The following PDILT variants were observed in gnomAD, a reference collection of about 807,000 sequenced individuals.
The protein encoded by PDILT is protein disulfide-isomerase-like protein of the testis.
PDILT carries 43 observed loss-of-function variants against 53.7 expected under a neutral mutation model. The ratio of observed to expected loss-of-function variants is 0.80; its 90% CI spans 0.63 to 1.03. The LOEUF is 1.03. Ranked by LOEUF, PDILT falls within the 50% of genes least tolerant of loss-of-function variation. The probability of loss-of-function intolerance (pLI) is 0.00; values close to 1 mark genes in which losing one functional copy is unlikely to be tolerated. For missense variants in PDILT, 727 were observed against 712.3 expected (o/e 1.02, Z -0.24); for synonymous variants, 282 against 274.2 (o/e 1.03, Z -0.28).
chr16:20,396,397 T>G (rs1447122258), intron 2 of PDILT, among the ~76,000 whole-genome samples: 1 of 152,226 alleles, frequency 6.6e-6, no homozygotes, highest in Admixed American at 6.5e-5. Context: ...ATGCTTGGCA[T>G]GAGGTCTTTG....
chr16:20,403,250 T>A (rs1445757344), intron 1 of PDILT, among the ~76,000 whole-genome samples: 1 of 152,168 alleles, frequency 6.6e-6, no homozygotes, highest in African/African-American at 2.4e-5. Flanking sequence ...GTGCTTCACC[T>A]CAACCCATTC....
intron 2 of PDILT, among the ~76,000 whole-genome samples, chr16:20,395,216 A>G (rs562612935): frequency 6.6e-6 from 1 of 152,298 alleles, no homozygotes; most frequent in South Asian, 2.1e-4. Context: ...TTTCTCAACT[A>G]AAGAGGTTGG....
intron 3 of PDILT, among the ~76,000 whole-genome samples, chr16:20,384,431 C>T (rs1403603359): frequency 6.6e-6 from 1 of 152,032 alleles, no homozygotes; most frequent in Non-Finnish European, 1.5e-5. Context: ...ATGAACAGTA[C>T]CCGTGGTGAC....
chr16:20,371,648 TG>T (rs1399126123), intron 7 of PDILT, among the ~76,000 whole-genome samples: 1 of 152,082 alleles, frequency 6.6e-6, no homozygotes, highest in Non-Finnish European at 1.5e-5. Context: ...TTCACTAGGG[TG>T]ACTGAAACTT....
chr16:20,374,742 C>A, intron 5 of PDILT, 80 bp downstream of exon 5: 1 of 1,484,594 alleles, frequency 6.7e-7, no homozygotes, highest in Non-Finnish European at 9.1e-7. Flanking sequence ...GTGGCAGAAC[C>A]AGAATTTGTA....
rs1567333549 is a variant in PDILT at position 20,400,066 on chromosome 16, ATATATATT to A, written c.-7-767_-7-760del. Among the ~76,000 whole-genome samples, 42 of 128,496 alleles carry A rather than the reference ATATATATT, an allele frequency of 3.3e-4. No homozygotes were observed. The South Asian group carries it at 7.6e-3, about 23-fold the overall frequency. The allele number at this position is 128,496 out of a possible 152,430, so 84.3% of individuals were successfully genotyped here. A position where few individuals can be genotyped will look rare whatever the true frequency, so the allele number is the denominator to read the frequency against. On this transcript the variant is annotated intron_variant, in intron 1 of 11. Transcript: ENST00000302451. ...TCTATCTATCTATCTATATATATATATATATATTTTTTGAGACGGAGTTTTGCTCTTGT... is the reference window on the plus strand; with the variant it reads ...TCTATCTATCTATCTATATATATATATTTTGAGACGGAGTTTTGCTCTTGT...
chr16:20,373,024 T>G lies in PDILT; in HGVS notation c.780A>C (p.Glu260Asp). 6.2e-7 allele frequency: 1 copy of G among 1,614,116 alleles called. No individual in the cohort carries two copies. The highest frequency in any genetic ancestry group is 8.5e-7 in the Non-Finnish European group (1 of 1,179,970). Residue 260 changes from glutamate to aspartate, a missense_variant, in exon 6 of 12, where the codon GAA (glutamate) becomes GAC (aspartate). Physicochemically the swap from Glu to Asp is conservative, Grantham distance 45. Transcript: ENST00000302451. ...TTTACTCACTGACCTCAGTGTTGTA[T>G]TCGATCACAAAATCTGTAAGGTGCT... ...IKQHLTDFVI[E>D]YNTENKDLIS...
intron 2 of PDILT, 100 bp downstream of exon 2, chr16:20,398,999 C>G: frequency 1.7e-6 from 2 of 1,204,402 alleles, no homozygotes; most frequent in East Asian, 2.5e-5. Flanking sequence ...AATATGTGTT[C>G]TTATGTGTTT....
At chr16:20,385,608 A>G (rs988733542) in intron 2 of PDILT, among the ~76,000 whole-genome samples, 6 of 152,148 alleles carry the variant, frequency 3.9e-5, no homozygotes, top group Non-Finnish European at 5.9e-5. Context: ...GTGCAGGGTG[A>G]GGGATCAAAA....
intron 3 of PDILT, 115 bp from the exon 4 acceptor site, chr16:20,376,316 C>T: frequency 7.9e-7 from 1 of 1,263,642 alleles, no homozygotes; most frequent in Non-Finnish European, 1.1e-6. Context: ...GCTCCCACCC[C>T]TTGAAGGCCA....
chr16:20,361,342 C>T (rs555938043), intron 10 of PDILT, among the ~76,000 whole-genome samples: 114 of 152,124 alleles, frequency 7.5e-4, no homozygotes, highest in African/African-American at 2.5e-3. Flanking sequence ...TGCACCACCA[C>T]GACTGGCTAA....
At chr16:20,381,726 G>A (rs924079173) in intron 3 of PDILT, among the ~76,000 whole-genome samples, 2 of 151,678 alleles carry the variant, frequency 1.3e-5, no homozygotes, top group African/African-American at 4.8e-5. Context: ...TAAAATCCAG[G>A]CATCCTCAAT....
chr16:20,366,483 C>G (rs752684037), intron 8 of PDILT, among the ~76,000 whole-genome samples: 2 of 152,108 alleles, frequency 1.3e-5, no homozygotes, highest in Non-Finnish European at 2.9e-5. Flanking sequence ...CACTTATTCA[C>G]GTTTACTATT....
chr16:20,374,893 C>T lies in PDILT; in HGVS notation c.610G>A (p.Gly204Arg), dbSNP rs1966361683. Residue 204 changes from glycine (G) to arginine (R), a missense_variant, in exon 5 of 12, where the codon GGA becomes AGA. Physicochemically the swap from Gly to Arg is moderately radical, Grantham distance 125. Coordinates refer to ENST00000302451, the MANE Select transcript of PDILT (RefSeq NM_174924.2). ...ATGACATTGCCAATCGTTATGACTC[C>T]AAACGTTAGCTCTGGAAAGTCTTTG... is the stretch of plus-strand genomic sequence containing the variant. ...VIKDFPELTF[G>R]VITIGNVIGR... The T allele has an allele frequency of 6.2e-7, 1 of 1,614,086 alleles. No homozygotes were observed. Among genetic ancestry groups the T allele is most frequent in the East Asian group, 2.2e-5 (1 of 44,882 alleles).
At chr16:20,404,470 T>C (rs1966788452) in intron 1 of PDILT, 26 bp downstream of exon 1, 1 of 152,234 alleles carries the variant, frequency 6.6e-6, no homozygotes, top group Non-Finnish European at 1.5e-5. Flanking sequence ...ATCAGTCAGA[T>C]TTCCCATTTT....
At chr16:20,397,131 ATATT>A (rs199932174) in intron 2 of PDILT, among the ~76,000 whole-genome samples, 2 of 152,068 alleles carry the variant, frequency 1.3e-5, no homozygotes, top group Non-Finnish European at 2.9e-5. Flanking sequence ...ATGTATGTAC[ATATT>A]TATTTATTTA....
At chr16:20,382,848 G>A (rs1966480061) in intron 3 of PDILT, among the ~76,000 whole-genome samples, 1 of 152,230 alleles carries the variant, frequency 6.6e-6, no homozygotes, top group Non-Finnish European at 1.5e-5. Context: ...GGGGAGTGCT[G>A]TCAATTCTGG....
At chr16:20,368,196 A>G (rs775023538) in intron 8 of PDILT, among the ~76,000 whole-genome samples, 3 of 152,150 alleles carry the variant, frequency 2.0e-5, no homozygotes, top group Non-Finnish European at 4.4e-5. Flanking sequence ...CTATTGGAGA[A>G]GAGAGACCAG....
intron 8 of PDILT, among the ~76,000 whole-genome samples, chr16:20,366,808 C>T (rs560075459): frequency 6.6e-6 from 1 of 152,218 alleles, no homozygotes; most frequent in East Asian, 1.9e-4. Context: ...TCTTGATTGC[C>T]AGAAGAGCCT....
Sources: allele counts gnomAD v4.1 joint callset (sites outside exome capture counted in the v4.1 genomes callset), GRCh38; gene constraint gnomAD v4.1.1; transcripts MANE v1.5; gene names NCBI Gene and HGNC (gene_info 2026-07-23, HGNC 2026-07-21).